GAK: variants seen among roughly 807,000 people sequenced by gnomAD.
GAK encodes cyclin-G-associated kinase.
Under a neutral mutation model 143.9 loss-of-function variants are expected in GAK, and 79 were observed. The observed-to-expected ratio is 0.55, with a 90% CI of 0.46 to 0.66. The LOEUF (loss-of-function observed/expected upper bound fraction) is 0.66. GAK is among the 30% of genes least tolerant of loss of function. The pLI, the probability that GAK is intolerant of heterozygous loss-of-function variation, is 0.00. For missense variants in GAK, 1,693 were observed against 1,779.7 expected (o/e 0.95, Z 0.88); for synonymous variants, 881 against 765.5 (o/e 1.15, Z -2.49).
At position 859,661 on chromosome 4, in the gene GAK, C is replaced by T. The variant is rs1321575264; in HGVS notation, c.3228G>A (p.Lys1076=). 1 of 1,603,968 alleles carries T rather than the reference C, an allele frequency of 6.2e-7. No homozygotes were observed. Residue 1076 remains lysine (K), a synonymous_variant, in exon 24 of 28, where the codon AAG becomes AAA. Coordinates refer to ENST00000314167, the MANE Select transcript of GAK (RefSeq NM_005255.4). ...CAGCAAATGGGTCCGGGTTCTGAGACTTGGTCCAGCTGGCCTGAGAGCCAC... is the reference window on the plus strand; with the variant it reads ...CAGCAAATGGGTCCGGGTTCTGAGATTTGGTCCAGCTGGCCTGAGAGCCAC... ...APCGSQASWT[K]SQNPDPFADL...
At chr4:868,330 CT>C (rs1046875011) in intron 20 of GAK, among the ~76,000 whole-genome samples, 75 of 151,780 alleles carry the variant, frequency 4.9e-4, no homozygotes, top group African/African-American at 1.8e-3. Context: ...TGGGCATGTT[CT>C]TTTTTTTTCA....
At chr4:877,947 A>C (rs1714313237) in intron 15 of GAK, 138 bp from the exon 16 acceptor site, 1 of 639,838 alleles carries the variant, frequency 1.6e-6, no homozygotes, top group Admixed American at 3.6e-5. Flanking sequence ...AACAAATCTG[A>C]TGTTATAATT....
intron 15 of GAK, 106 bp from the exon 16 acceptor site, chr4:877,915 T>C (rs1391717054): frequency 2.5e-5 from 25 of 987,616 alleles, no homozygotes; most frequent in African/African-American, 4.9e-5. Flanking sequence ...ATTTCCCTTG[T>C]AGCAATGTTT....
intron 26 of GAK, 106 bp from the exon 27 acceptor site, chr4:850,174 G>C: frequency 8.6e-7 from 1 of 1,166,070 alleles, no homozygotes; most frequent in Non-Finnish European, 1.2e-6. Flanking sequence ...GTCACGTGGG[G>C]TGGGCTCAGC....
intron 1 of GAK, among the ~76,000 whole-genome samples, chr4:927,902 C>T (rs1231865293): frequency 3.9e-5 from 6 of 152,232 alleles, no homozygotes; most frequent in Admixed American, 6.5e-5. Flanking sequence ...GATGACAGAA[C>T]CCTGGTGGCT....
intron 4 of GAK, among the ~76,000 whole-genome samples, chr4:907,308 C>T (rs1721258213): frequency 6.6e-6 from 1 of 152,222 alleles, no homozygotes; most frequent in African/African-American, 2.4e-5. Context: ...AGGTGAAAGC[C>T]CTCTCAGCCC....
rs540599412 is a variant in GAK, at chr4:894,047, G to T, written c.742-38C>A. 4.6e-6 allele frequency: 7 copies of T among 1,524,008 alleles called. No individual in the cohort carries two copies. In the South Asian group the frequency reaches 7.5e-5, roughly 16 times the overall value. 94.4% of individuals were successfully genotyped at this position (1,524,008 alleles called of 1,614,324 possible). ...CAGGGGTGATGCCTAGGCCCACGGG[G>T]AGCGCAGGGGTGACGCCTGGGCCTG... On this transcript the variant is annotated intron_variant, in intron 7 of 27. Coordinates refer to ENST00000314167, the MANE Select transcript of GAK (RefSeq NM_005255.4).
intron 15 of GAK, among the ~76,000 whole-genome samples, chr4:880,152 G>A (rs887409129): frequency 2.2e-5 from 3 of 138,662 alleles, no homozygotes; most frequent in African/African-American, 8.3e-5. Context: ...GCTCTGACAT[G>A]TGGACCACTG....
chr4:922,623 G>A (rs1027797489), intron 1 of GAK, among the ~76,000 whole-genome samples: 7 of 151,792 alleles, frequency 4.6e-5, no homozygotes, highest in South Asian at 2.1e-4. Context: ...CCAGAACTGC[G>A]AGAGTGAATT....
intron 21 of GAK, 78 bp from the exon 22 acceptor site, chr4:866,612 T>C: frequency 6.7e-7 from 1 of 1,490,146 alleles, no homozygotes; most frequent in East Asian, 2.3e-5. Context: ...GAGTCAGGCC[T>C]GCCCAAGAGG....
At chr4:890,474 G>A in intron 10 of GAK, 58 bp downstream of exon 10, 3 of 1,333,074 alleles carry the variant, frequency 2.3e-6, no homozygotes. Flanking sequence ...TGTGCTGCGG[G>A]TGCCCGGGGT....
intron 24 of GAK, chr4:859,298 T>G (rs1749842961): frequency 7.7e-7 from 1 of 1,307,070 alleles, no homozygotes; most frequent in Non-Finnish European, 1.0e-6. Flanking sequence ...ACACCCCACT[T>G]CCATGCAGAG....
At chr4:854,547 C>T (rs7697256) in intron 24 of GAK, among the ~76,000 whole-genome samples, 39,185 of 152,028 alleles carry the variant, frequency 0.26, 5,155 homozygotes, top group African/African-American at 0.28. Flanking sequence ...CTTTGCCTAC[C>T]GCTGCCCAGG....
chr4:884,420 C>T (rs745386036), intron 11 of GAK: 13 of 293,594 alleles, frequency 4.4e-5, no homozygotes, highest in East Asian at 8.8e-5. Context: ...AGAGGGATGG[C>T]AACACCGGTG....
intron 18 of GAK, among the ~76,000 whole-genome samples, chr4:873,095 T>C (rs953325134): frequency 1.3e-5 from 2 of 152,178 alleles, no homozygotes; most frequent in Non-Finnish European, 2.9e-5. Flanking sequence ...CAAGCAATCC[T>C]CCTGCCTCCC....
At chr4:862,313 C>T (rs113731443) in intron 23 of GAK, among the ~76,000 whole-genome samples, 1 of 134,042 alleles carries the variant, frequency 7.5e-6, no homozygotes, top group Non-Finnish European at 1.6e-5. Flanking sequence ...ACTGATGAAG[C>T]GGCTGCACCC....
chr4:856,292 C>T (rs1307293662), intron 24 of GAK, among the ~76,000 whole-genome samples: 27 of 144,308 alleles, frequency 1.9e-4, no homozygotes, highest in Non-Finnish European at 1.5e-5. Context: ...ACCACAGCTG[C>T]TCACCCCTGC....
intron 7 of GAK, among the ~76,000 whole-genome samples, chr4:896,120 C>G (rs1360736391): frequency 1.3e-5 from 2 of 152,102 alleles, no homozygotes; most frequent in Non-Finnish European, 2.9e-5. Flanking sequence ...AAATAATAGC[C>G]GGGCATGGTG....
At chr4:884,329 G>A (rs1715807296) in intron 11 of GAK, 1 of 527,978 alleles carries the variant, frequency 1.9e-6, no homozygotes, top group African/African-American at 1.9e-5. Context: ...GGAGGCATGG[G>A]TGAGACAGGA....
Sources: gnomAD v4.1 joint callset for allele counts (sites outside exome capture counted in the v4.1 genomes callset) on GRCh38, gnomAD v4.1.1 for gene constraint, MANE v1.5 for transcripts, NCBI Gene and HGNC (gene_info 2026-07-23, HGNC 2026-07-21) for gene names.